Variants in RORB observed in about 807,000 individuals in gnomAD.
The protein encoded by RORB is nuclear receptor ROR-beta.
Under a neutral mutation model 59.1 loss-of-function variants are expected in RORB, and 6 were observed. That is an observed-to-expected ratio of 0.10 (90% CI 0.06 to 0.20). The LOEUF (loss-of-function observed/expected upper bound fraction) is 0.20, where lower values mean the gene tolerates loss of function less well. RORB is among the 10% of genes least tolerant of loss of function. The pLI, the probability that RORB is intolerant of heterozygous loss-of-function variation, is 1.00. For synonymous variants in RORB, 215 were observed against 204.5 expected (o/e 1.05, Z -0.44); for missense variants, 320 against 560.5 (o/e 0.57, Z 4.33).
At chr9:74,676,985 G>A (rs550268502) in intron 9 of RORB, among the ~76,000 whole-genome samples, 3 of 152,298 alleles carry the variant, frequency 2.0e-5, no homozygotes, top group East Asian at 3.9e-4. Context: ...TCCTCAGATC[G>A]TTTGGTTGAT....
chr9:74,553,195 C>T (rs188486402), intron 1 of RORB, among the ~76,000 whole-genome samples: 15 of 152,146 alleles, frequency 9.9e-5, no homozygotes, highest in Admixed American at 7.2e-4. Context: ...GTAGTCCTGG[C>T]GGGAGCAGAT....
At chr9:74,581,339 T>C (rs151061619) in intron 1 of RORB, among the ~76,000 whole-genome samples, 36 of 152,260 alleles carry the variant, frequency 2.4e-4, no homozygotes, top group African/African-American at 8.4e-4. Context: ...CTCCATGTGC[T>C]CTACTGCTAC....
At chr9:74,504,144 A>G (rs1417189872) in intron 1 of RORB, among the ~76,000 whole-genome samples, 1 of 152,054 alleles carries the variant, frequency 6.6e-6, no homozygotes, top group Non-Finnish European at 1.5e-5. Flanking sequence ...TGGCTCTGTA[A>G]TAAGTGCAAA....
intron 1 of RORB, among the ~76,000 whole-genome samples, chr9:74,587,901 C>T (rs1822827384): frequency 1.3e-5 from 2 of 152,156 alleles, no homozygotes; most frequent in Non-Finnish European, 1.5e-5. Context: ...AAATGTGCAA[C>T]ATAGGGAGCC....
rs1466031836 is a variant in RORB, at chr9:74,691,884, G to A, written c.*6266G>A. On this transcript the variant is annotated 3_prime_UTR_variant, in exon 10 of 10. Transcript: ENST00000376896. Reference sequence around the variant, plus strand: ...GGCTGTCAATTAAATCTGCTCCAAAGAATTTGTATTGAAGATTGGCCTAAG... The same window carrying A: ...GGCTGTCAATTAAATCTGCTCCAAAAAATTTGTATTGAAGATTGGCCTAAG... The A allele has an allele frequency of 6.6e-6, 1 of 152,006 alleles. No individual in the cohort carries two copies. The allele number at this position is 152,006 out of a possible 1,614,324, so 9.4% of individuals were successfully genotyped here.
intron 9 of RORB, among the ~76,000 whole-genome samples, chr9:74,684,070 A>G (rs1382950679): frequency 6.6e-6 from 1 of 152,214 alleles, no homozygotes; most frequent in East Asian, 1.9e-4. Flanking sequence ...GATGGTTAAG[A>G]TTGGAAAGTC....
chr9:74,666,566 TC>T (rs1824268681), intron 7 of RORB, among the ~76,000 whole-genome samples: 1 of 152,136 alleles, frequency 6.6e-6, no homozygotes, highest in Admixed American at 6.6e-5. Context: ...CTTTTTTTTT[TC>T]AACTTTATTG....
chr9:74,527,734 C>A (rs1826177453), intron 1 of RORB, among the ~76,000 whole-genome samples: 1 of 152,022 alleles, frequency 6.6e-6, no homozygotes, highest in Admixed American at 6.6e-5. Context: ...TGCACCATAT[C>A]CTGTGCCTGT....
chr9:74,522,987 A>G (rs1826104201), intron 1 of RORB, among the ~76,000 whole-genome samples: 1 of 151,898 alleles, frequency 6.6e-6, no homozygotes, highest in African/African-American at 2.4e-5. Flanking sequence ...ACTTGAGTTT[A>G]GGTGCATAAC....
chr9:74,627,139 C>G (rs1026137085), intron 1 of RORB, among the ~76,000 whole-genome samples: 2 of 122,788 alleles, frequency 1.6e-5, no homozygotes, highest in Non-Finnish European at 3.3e-5. Context: ...TCCAGCCTGG[C>G]AACAGAGCAA....
At chr9:74,568,462 G>A (rs549415297) in intron 1 of RORB, among the ~76,000 whole-genome samples, 25 of 152,002 alleles carry the variant, frequency 1.6e-4, no homozygotes, top group Non-Finnish European at 2.9e-4. Context: ...AGCACTTTGG[G>A]AGGCCGAGGT....
intron 4 of RORB, among the ~76,000 whole-genome samples, chr9:74,647,030 C>T (rs955041501): frequency 1.3e-5 from 2 of 152,048 alleles, no homozygotes; most frequent in African/African-American, 4.8e-5. Flanking sequence ...GGAGTTACAT[C>T]CTTGGGTTTT....
chr9:74,548,106 T>C (rs1047521567), intron 1 of RORB, among the ~76,000 whole-genome samples: 2 of 152,156 alleles, frequency 1.3e-5, no homozygotes, highest in African/African-American at 4.8e-5. Flanking sequence ...ACTCAAAAAA[T>C]GACTCCCCAT....
intron 1 of RORB, among the ~76,000 whole-genome samples, chr9:74,609,833 G>A (rs527267416): frequency 1.3e-5 from 2 of 152,128 alleles, no homozygotes; most frequent in Non-Finnish European, 2.9e-5. Context: ...TTGTCCCCAG[G>A]GGGTATTTGG....
rs11364568 is a variant in RORB, at chr9:74,635,956, CAAAAAAAAA to C, written c.235+1192_235+1200del. ...AGTACACCTATAAAACAAATTTGAC[CAAAAAAAAA>C]AAAAAAACAGAATCTGACCTGAAAC... On this transcript the variant is annotated intron_variant, in intron 3 of 9. Transcript: ENST00000376896. Among the ~76,000 whole-genome samples, 3 of 131,626 alleles carry C rather than the reference CAAAAAAAAA, an allele frequency of 2.3e-5. No individual in the cohort carries two copies. In the South Asian group the frequency reaches 7.3e-4, roughly 32 times the overall value. 86.4% of individuals were successfully genotyped at this position (131,626 alleles called of 152,430 possible).
At position 74,651,057 on chromosome 9, in the gene RORB, G is replaced by T. The variant is rs541444759; in HGVS notation, c.637+8242G>T. 2.0e-5 allele frequency among the ~76,000 whole-genome samples: 3 copies of T among 152,334 alleles called. No individual in the cohort carries two copies. In the South Asian group the frequency reaches 6.2e-4, roughly 32 times the overall value. On this transcript the variant is annotated intron_variant, in intron 4 of 9. Coordinates refer to ENST00000376896, the MANE Select transcript of RORB (RefSeq NM_006914.4). ...TTTCATCATCTGTGACCCATTGGTT[G>T]TCCTTTGGTGGCGTGTGGAGGTGCA...
intron 4 of RORB, among the ~76,000 whole-genome samples, chr9:74,658,004 C>CAAAAAAAAAAAAAAAAAAAA (rs60719147): frequency 1.0e-5 from 1 of 97,830 alleles, no homozygotes; most frequent in Non-Finnish European, 1.9e-5. Flanking sequence ...GACTCGGTCT[C>CAAAAAAAAAAAAAAAAAAAA]AAAAAAAAAA....
chr9:74,606,078 T>G (rs1206332694), intron 1 of RORB, among the ~76,000 whole-genome samples: 4 of 152,210 alleles, frequency 2.6e-5, no homozygotes, highest in African/African-American at 9.7e-5. Context: ...ACCAGTTACT[T>G]GAGAGTACTA....
rs865886496 is a variant in RORB at position 74,689,391 on chromosome 9, A to C, written c.*3773A>C. ...AGTGCAAGGATTACAGGCCTGAGCC[A>C]CTGCGCCCTGCCTTCAGTGGCTCTT... On this transcript the variant is annotated 3_prime_UTR_variant, in exon 10 of 10. Transcript: ENST00000376896. 2.9e-4 allele frequency: 44 copies of C among 152,310 alleles called. No individual in the cohort carries two copies. Among genetic ancestry groups the C allele is most frequent in the African/African-American group, 1.0e-3 (42 of 41,460 alleles). 9.4% of individuals were successfully genotyped at this position (152,310 alleles called of 1,614,324 possible).
Sources: allele counts gnomAD v4.1 joint callset (sites outside exome capture counted in the v4.1 genomes callset), GRCh38; gene constraint gnomAD v4.1.1; transcripts MANE v1.5; gene names NCBI Gene and HGNC (gene_info 2026-07-23, HGNC 2026-07-21).